KAZN: variants seen among roughly 807,000 people sequenced by gnomAD.
The protein encoded by KAZN is kazrin, periplakin interacting protein, also known as kazrin.
Under a neutral mutation model 87.4 loss-of-function variants are expected in KAZN, and 40 were observed. The ratio of observed to expected loss-of-function variants is 0.46; its 90% confidence interval spans 0.36 to 0.60. The LOEUF (loss-of-function observed/expected upper bound fraction) is 0.60, where lower values mean the gene tolerates loss of function less well. Ranked by LOEUF, KAZN falls within the 20% of genes least tolerant of loss-of-function variation. The probability of loss-of-function intolerance (pLI) is 0.00; values close to 1 mark genes in which losing one functional copy is unlikely to be tolerated. For missense variants in KAZN, 898 were observed against 1,073.9 expected (o/e 0.84, Z 2.29); for synonymous variants, 466 against 458.3 (o/e 1.02, Z -0.22).
chr1:15,087,018 C>T (rs79875304), intron 8 of KAZN, among the ~76,000 whole-genome samples: 6,891 of 152,304 alleles, frequency 0.045, 220 homozygotes, highest in South Asian at 0.081. Flanking sequence ...TGCTACTAGT[C>T]CAGGGACCAC....
intron 1 of KAZN, among the ~76,000 whole-genome samples, chr1:13,922,230 C>A (rs1640095485): frequency 6.6e-6 from 1 of 152,048 alleles, no homozygotes; most frequent in African/African-American, 2.4e-5. Flanking sequence ...GATCATCGGT[C>A]CCCCGCCCCC....
At chr1:13,894,924 T>C (rs1274425250) in intron 1 of KAZN, among the ~76,000 whole-genome samples, 2 of 152,218 alleles carry the variant, frequency 1.3e-5, no homozygotes, top group Admixed American at 1.3e-4. Flanking sequence ...GTGAGGGCTC[T>C]GGAGCTGACT....
intron 1 of KAZN, among the ~76,000 whole-genome samples, chr1:14,121,317 C>T (rs1644747199): frequency 6.6e-6 from 1 of 152,150 alleles, no homozygotes; most frequent in Non-Finnish European, 1.5e-5. Context: ...TGAATGAAGC[C>T]TGATATTCTG....
intron 8 of KAZN, chr1:15,067,570 A>T (rs1485588841): frequency 1.0e-6 from 1 of 985,360 alleles, no homozygotes; most frequent in Non-Finnish European, 1.2e-6. Context: ...GCTTTCTGCT[A>T]ACGGTGACAT....
intron 1 of KAZN, among the ~76,000 whole-genome samples, chr1:14,633,884 C>CTA (rs1242029277): frequency 0.011 from 1,585 of 150,014 alleles, 29 homozygotes; most frequent in African/African-American, 0.035. Flanking sequence ...CTCTCTCTCT[C>CTA]TATATATATA....
intron 1 of KAZN, among the ~76,000 whole-genome samples, chr1:14,106,707 AAGT>A (rs1450732084): frequency 2.0e-5 from 3 of 152,140 alleles, no homozygotes; most frequent in Admixed American, 2.0e-4. Flanking sequence ...TCTTTTGGTT[AAGT>A]AGTAGATTAG....
At chr1:14,876,086 GC>G (rs1652736392) in intron 1 of KAZN, among the ~76,000 whole-genome samples, 1 of 152,232 alleles carries the variant, frequency 6.6e-6, no homozygotes, top group African/African-American at 2.4e-5. Flanking sequence ...GCCCAGACAA[GC>G]CAAGTGGGAC....
chr1:14,750,219 G>A (rs1431464551), intron 1 of KAZN, among the ~76,000 whole-genome samples: 1 of 151,016 alleles, frequency 6.6e-6, no homozygotes, highest in Non-Finnish European at 1.5e-5. Flanking sequence ...AAAAATGAGA[G>A]CCTTGAAAAT....
chr1:14,304,808 G>T (rs1654802979), intron 2 of KAZN: 3 of 394,464 alleles, frequency 7.6e-6, no homozygotes, highest in African/African-American at 2.1e-5. Context: ...TTCTTGAACA[G>T]TTCACCGAGC....
At chr1:14,987,020 C>G (rs916966476) in intron 2 of KAZN, among the ~76,000 whole-genome samples, 1 of 152,170 alleles carries the variant, frequency 6.6e-6, no homozygotes, top group Non-Finnish European at 1.5e-5. Flanking sequence ...CTGAGGGTAT[C>G]GAGTCCTGGT....
intron 2 of KAZN, among the ~76,000 whole-genome samples, chr1:14,220,547 T>G (rs2100497064): frequency 6.6e-6 from 1 of 152,318 alleles, no homozygotes; most frequent in East Asian, 1.9e-4. Context: ...AGGTTCCCTG[T>G]GATAGCTTAA....
chr1:14,552,758 T>A (rs1385570662), intron 2 of KAZN, among the ~76,000 whole-genome samples: 1 of 152,222 alleles, frequency 6.6e-6, no homozygotes, highest in Non-Finnish European at 1.5e-5. Context: ...TTTCCCTTTA[T>A]AGACTATTTA....
At chr1:14,362,587 G>A (rs1470372582) in intron 2 of KAZN, among the ~76,000 whole-genome samples, 1 of 152,232 alleles carries the variant, frequency 6.6e-6, no homozygotes, top group African/African-American at 2.4e-5. Context: ...CTCACTGCCA[G>A]AGCAGCTAGA....
intron 1 of KAZN, among the ~76,000 whole-genome samples, chr1:14,741,617 T>G (rs544600473): frequency 6.6e-6 from 1 of 152,288 alleles, no homozygotes; most frequent in South Asian, 2.1e-4. Context: ...TTCTCTTACA[T>G]GAGGCTGAGC....
chr1:15,040,522 T>C (rs767781859), intron 3 of KAZN, among the ~76,000 whole-genome samples: 5 of 152,128 alleles, frequency 3.3e-5, no homozygotes, highest in Non-Finnish European at 7.4e-5. Flanking sequence ...TCCTAGCACT[T>C]AGGGAGGCTG....
At position 15,066,015 on chromosome 1, in the gene KAZN, C is replaced by G. The variant is rs921794951; in HGVS notation, c.1222+262C>G. 1.1e-5 allele frequency: 14 copies of G among 1,288,456 alleles called. No homozygotes were observed. In the Admixed American group the frequency reaches 1.2e-4, roughly 11 times the overall value. 79.8% of individuals were successfully genotyped at this position (1,288,456 alleles called of 1,614,324 possible). A position where few individuals can be genotyped will look rare whatever the true frequency, so the allele number is the denominator to read the frequency against. ...CCACCTCTGTAATTGATGTACATACCGCAAACCGTGTGTGAACCTGTCAAC... is the reference window on the plus strand; with the variant it reads ...CCACCTCTGTAATTGATGTACATACGGCAAACCGTGTGTGAACCTGTCAAC... On this transcript the variant is annotated intron_variant, in intron 8 of 14. Coordinates refer to ENST00000376030, the MANE Select transcript of KAZN (RefSeq NM_201628.3). The surrounding 1 kb of genome is among the most constrained non-coding windows in gnomAD (Gnocchi z 4.3).
chr1:14,565,286 G>A (rs765955531), intron 2 of KAZN, among the ~76,000 whole-genome samples: 1 of 152,200 alleles, frequency 6.6e-6, no homozygotes, highest in Non-Finnish European at 1.5e-5. Context: ...GTCACACAAA[G>A]TGTTTGTTTC....
rs1673216551 is a variant in KAZN, at chr1:15,044,123, C to T, written c.690C>T (p.Asp230=). 6.2e-7 allele frequency: 1 copy of T among 1,610,914 alleles called. No homozygotes were observed. The highest frequency in any genetic ancestry group is 8.5e-7 in the Non-Finnish European group (1 of 1,178,660). Residue 230 remains aspartate (D), a synonymous_variant, in exon 4 of 15, where the codon GAC becomes GAT. Transcript: ENST00000376030. ...TGCGCTCCCAGCTGGACCTCAAGGA[C>T]AACCGGATGAAGGAGCTGGAGGCCG... ...TALRSQLDLK[D]NRMKELEAEL...
chr1:13,942,258 C>T (rs771894760), intron 1 of KAZN, among the ~76,000 whole-genome samples: 5 of 152,016 alleles, frequency 3.3e-5, no homozygotes, highest in South Asian at 2.1e-4. Context: ...TATAATTCAC[C>T]GGCCAGGCGC....
Sources: gnomAD v4.1 joint callset for allele counts (sites outside exome capture counted in the v4.1 genomes callset) on GRCh38, gnomAD v4.1.1 for gene constraint, Gnocchi (gnomAD v3.1) non-coding constraint, MANE v1.5 for transcripts, NCBI Gene and HGNC (gene_info 2026-07-23, HGNC 2026-07-21) for gene names.